CACNA2D1: variants seen among roughly 807,000 people sequenced by gnomAD.
CACNA2D1 encodes calcium voltage-gated channel auxiliary subunit alpha2delta 1.
A neutral mutation model predicts 171.5 loss-of-function variants in CACNA2D1; 53 were observed. The observed-to-expected ratio is 0.31, with a 90% CI of 0.25 to 0.39. CACNA2D1 has a LOEUF of 0.39. Among genes scored for constraint, CACNA2D1 ranks in the 10% least tolerant of loss-of-function variants. CACNA2D1 has a pLI of 1.00. For missense variants in CACNA2D1, 903 were observed against 1,299.8 expected (o/e 0.69, Z 4.69); for synonymous variants, 442 against 443.1 (o/e 1.00, Z 0.03).
intron 28 of CACNA2D1, among the ~76,000 whole-genome samples, 153 bp from the exon 29 acceptor site, chr7:81,969,126 C>T (rs1795011410): frequency 6.6e-6 from 1 of 151,376 alleles, no homozygotes; most frequent in Non-Finnish European, 1.5e-5. Context: ...CTCTCTTCTT[C>T]CGTTGTATAC....
intron 3 of CACNA2D1, among the ~76,000 whole-genome samples, chr7:82,210,753 C>T (rs182577235): frequency 4.6e-5 from 7 of 152,254 alleles, no homozygotes; most frequent in Middle Eastern, 3.4e-3. Flanking sequence ...TAAGGGGAAA[C>T]GTCTAATGCA....
At chr7:81,987,159 G>A (rs976549772) in intron 21 of CACNA2D1, among the ~76,000 whole-genome samples, 4 of 152,088 alleles carry the variant, frequency 2.6e-5, no homozygotes, top group African/African-American at 9.7e-5. Context: ...GCTACAGTCC[G>A]TTCTATAGAA....
In CACNA2D1 at chr7:82,364,223, G is replaced by GA. The variant is rs201421404; in HGVS notation, c.96-14575dup. On this transcript the variant is annotated intron_variant, in intron 1 of 38. Coordinates refer to ENST00000356860, the MANE Select transcript of CACNA2D1 (RefSeq NM_000722.4). ...GGGTGATAGAGACCTGTGTCAAAAA[G>GA]AAAAAAAAAGTTTGGCAGAAAGATT... Among the ~76,000 whole-genome samples, 1,144 of 151,458 alleles carry GA rather than the reference G, an allele frequency of 7.6e-3. 19 individuals carry two copies. The highest frequency in any genetic ancestry group is 0.026 in the African/African-American group (1,061 of 41,344).
intron 21 of CACNA2D1, among the ~76,000 whole-genome samples, chr7:81,985,162 T>TAAAATACA (rs905793481): frequency 1.3e-5 from 2 of 150,554 alleles, no homozygotes; most frequent in African/African-American, 4.9e-5. Flanking sequence ...TGGACACTAT[T>TAAAATACA]AAAATACAAA....
rs11419755 is a variant in CACNA2D1, at chr7:82,412,280, CT to C, written c.95+31084del. Reference sequence around the variant, plus strand: ...TGTTCAAAGCTATCAGTGCTTGTAACTTTTTTTTTTTTTTTTTTTTGAGACA... The same window carrying C: ...TGTTCAAAGCTATCAGTGCTTGTAACTTTTTTTTTTTTTTTTTTTGAGACA... On this transcript the variant is annotated intron_variant, in intron 1 of 38. Coordinates refer to ENST00000356860, the MANE Select transcript of CACNA2D1 (RefSeq NM_000722.4). Among the ~76,000 whole-genome samples, 767 of 124,834 alleles carry C rather than the reference CT, an allele frequency of 6.1e-3. 2 individuals are homozygous for C. The highest frequency in any genetic ancestry group is 0.012 in the East Asian group (49 of 4,190). The allele number at this position is 124,834 out of a possible 152,430, so 81.9% of individuals were successfully genotyped here.
chr7:82,275,215 C>T (rs1026608574), intron 3 of CACNA2D1, among the ~76,000 whole-genome samples: 2 of 152,036 alleles, frequency 1.3e-5, no homozygotes, highest in East Asian at 1.9e-4. Flanking sequence ...TTACTTAGAA[C>T]CTACAGCAAG....
chr7:82,077,569 CAT>C (rs1173478209), intron 7 of CACNA2D1, among the ~76,000 whole-genome samples: 1 of 152,102 alleles, frequency 6.6e-6, no homozygotes, highest in African/African-American at 2.4e-5. Flanking sequence ...ACCAAACTTC[CAT>C]AGTGTTAAAA....
At chr7:81,978,983 A>G (rs1418278366) in intron 24 of CACNA2D1, among the ~76,000 whole-genome samples, 3 of 92,276 alleles carry the variant, frequency 3.3e-5, no homozygotes, top group Non-Finnish European at 4.5e-5. Context: ...AGCTGTATTG[A>G]TATCATTCAG....
At chr7:82,390,207 T>C (rs1425573571) in intron 1 of CACNA2D1, among the ~76,000 whole-genome samples, 1 of 152,168 alleles carries the variant, frequency 6.6e-6, no homozygotes, top group East Asian at 1.9e-4. Context: ...CTTTCTAAGG[T>C]CTTAACCTTC....
At chr7:82,035,075 A>C (rs1803145148) in intron 11 of CACNA2D1, among the ~76,000 whole-genome samples, 1 of 152,106 alleles carries the variant, frequency 6.6e-6, no homozygotes, top group South Asian at 2.1e-4. Context: ...AAAAAACAAG[A>C]TTGTTTCAAT....
Position 82,038,455 on chromosome 7 carries a change from C to T in CACNA2D1, c.880-220G>A, listed in dbSNP as rs139557756. ...ACGCTGAGTCTGCTGCTTATATTCC[C>T]GAAGCCTGCTTTCCCTGCTTATAAA... On this transcript the variant is annotated intron_variant, in intron 10 of 38. Coordinates refer to ENST00000356860, the MANE Select transcript of CACNA2D1 (RefSeq NM_000722.4). Among the ~76,000 whole-genome samples the T allele has an allele frequency of 2.8e-3, 429 of 152,220 alleles. 1 individual carries two copies. The highest frequency in any genetic ancestry group is 9.6e-3 in the African/African-American group (400 of 41,532).
intron 12 of CACNA2D1, among the ~76,000 whole-genome samples, chr7:82,024,859 C>T (rs37147): frequency 0.021 from 3,112 of 151,618 alleles, 98 homozygotes; most frequent in African/African-American, 0.07. Context: ...TCTTTATTTG[C>T]ATGTCAATAT....
At chr7:82,096,514 T>G (rs1180009972) in intron 6 of CACNA2D1, among the ~76,000 whole-genome samples, 2 of 151,904 alleles carry the variant, frequency 1.3e-5, no homozygotes, top group Non-Finnish European at 2.9e-5. Context: ...TCTGAAGAAC[T>G]GTATTTTAAA....
intron 4 of CACNA2D1, among the ~76,000 whole-genome samples, chr7:82,140,284 A>C (rs1792216802): frequency 6.6e-6 from 1 of 152,212 alleles, no homozygotes. Context: ...TTTGCAACCA[A>C]TTATGTCCCA....
intron 10 of CACNA2D1, among the ~76,000 whole-genome samples, chr7:82,055,802 T>C (rs1011165529): frequency 2.1e-5 from 3 of 140,668 alleles, no homozygotes; most frequent in East Asian, 2.4e-4. Context: ...TTAGGAGATA[T>C]ACCTAATGCT....
chr7:82,342,909 T>A (rs1818839229), intron 2 of CACNA2D1: 1 of 152,166 alleles, frequency 6.6e-6, no homozygotes, highest in Admixed American at 6.5e-5. Flanking sequence ...CTACCCAACA[T>A]ATTTTAGACT....
intron 24 of CACNA2D1, among the ~76,000 whole-genome samples, chr7:81,975,149 G>A (rs1584252181): frequency 6.6e-6 from 1 of 152,178 alleles, no homozygotes; most frequent in East Asian, 1.9e-4. Flanking sequence ...GTGATACTGT[G>A]TTAAACTTAT....
chr7:82,374,569 G>A (rs987351733), intron 1 of CACNA2D1, among the ~76,000 whole-genome samples: 3 of 152,000 alleles, frequency 2.0e-5, no homozygotes, highest in Non-Finnish European at 4.4e-5. Context: ...ATTTATGGTG[G>A]CCACAATCAG....
chr7:82,068,502 C>A (rs562507110), intron 7 of CACNA2D1, among the ~76,000 whole-genome samples: 1 of 151,936 alleles, frequency 6.6e-6, no homozygotes, highest in African/African-American at 2.4e-5. Flanking sequence ...AATATTATAT[C>A]GGATATTCAT....
Sources: allele counts gnomAD v4.1 joint callset (sites outside exome capture counted in the v4.1 genomes callset), GRCh38; gene constraint gnomAD v4.1.1; transcripts MANE v1.5; gene names NCBI Gene and HGNC (gene_info 2026-07-23, HGNC 2026-07-21).